Variants in CHRM3 observed in about 807,000 individuals in gnomAD.
The protein encoded by CHRM3 is muscarinic acetylcholine receptor M3.
In CHRM3, 11 loss-of-function variants were observed where a neutral mutation model predicts 41.8. The observed-to-expected ratio is 0.26, with a 90% confidence interval of 0.17 to 0.44. The LOEUF (loss-of-function observed/expected upper bound fraction) is 0.44. Among genes scored for constraint, CHRM3 ranks in the 20% least tolerant of loss-of-function variants. CHRM3 has a pLI of 1.00. For missense variants in CHRM3, 571 were observed against 745.4 expected (o/e 0.77, Z 2.72); for synonymous variants, 297 against 301.4 (o/e 0.99, Z 0.15).
intron 6 of CHRM3, among the ~76,000 whole-genome samples, chr1:239,871,128 T>C (rs1191520608): frequency 6.6e-6 from 1 of 152,174 alleles, no homozygotes; most frequent in Non-Finnish European, 1.5e-5. Flanking sequence ...GTTGGGCTCA[T>C]ACTAGAATGT....
At chr1:239,904,852 T>C (rs922642054) in intron 6 of CHRM3, among the ~76,000 whole-genome samples, 1 of 152,198 alleles carries the variant, frequency 6.6e-6, no homozygotes, top group Admixed American at 6.5e-5. Context: ...ATTTCAAATT[T>C]TGTATTATTT....
chr1:239,742,967 G>T (rs559057586), intron 5 of CHRM3, among the ~76,000 whole-genome samples: 1 of 152,078 alleles, frequency 6.6e-6, no homozygotes. Flanking sequence ...CAGCTACCAG[G>T]TTTATAATTT....
chr1:239,720,884 C>A (rs1408477104), intron 5 of CHRM3, among the ~76,000 whole-genome samples: 1 of 151,814 alleles, frequency 6.6e-6, no homozygotes, highest in African/African-American at 2.4e-5. Context: ...GGAGTTTGAA[C>A]AACTCAGGCA....
chr1:239,454,698 T>C (rs1403367919), intron 1 of CHRM3, among the ~76,000 whole-genome samples: 1 of 152,124 alleles, frequency 6.6e-6, no homozygotes, highest in African/African-American at 2.4e-5. Flanking sequence ...AAAGACACAG[T>C]GCTTTGGAGA....
intron 5 of CHRM3, among the ~76,000 whole-genome samples, chr1:239,782,097 A>C (rs994697622): frequency 9.2e-5 from 14 of 152,064 alleles, no homozygotes; most frequent in African/African-American, 2.9e-4. Flanking sequence ...GTATTTGTCT[A>C]GTTTTGGTAT....
chr1:239,612,788 C>T (rs1285953102), intron 3 of CHRM3, among the ~76,000 whole-genome samples: 3 of 152,140 alleles, frequency 2.0e-5, no homozygotes, highest in Non-Finnish European at 4.4e-5. Context: ...CAAACAGCTG[C>T]GTAGAACTGC....
At chr1:239,861,873 A>C (rs185247958) in intron 6 of CHRM3, among the ~76,000 whole-genome samples, 9 of 152,312 alleles carry the variant, frequency 5.9e-5, no homozygotes, top group Admixed American at 5.2e-4. Flanking sequence ...AATACCATTT[A>C]ATAGAAAGAA....
intron 5 of CHRM3, among the ~76,000 whole-genome samples, chr1:239,798,071 A>G (rs1398911240): frequency 1.3e-5 from 2 of 152,126 alleles, no homozygotes; most frequent in Non-Finnish European, 2.9e-5. Flanking sequence ...TGTCAAAACC[A>G]AATTCCACAT....
At chr1:239,783,575 A>G (rs74149203) in intron 5 of CHRM3, among the ~76,000 whole-genome samples, 5,014 of 152,324 alleles carry the variant, frequency 0.033, 286 homozygotes, top group African/African-American at 0.11. Context: ...TAAATAGTCA[A>G]ACAATCAAAT....
At chr1:239,560,504 T>G (rs1660751985) in intron 3 of CHRM3, among the ~76,000 whole-genome samples, 1 of 152,178 alleles carries the variant, frequency 6.6e-6, no homozygotes, top group Non-Finnish European at 1.5e-5. Context: ...TCCTCATACC[T>G]CTTCATAGTA....
intron 1 of CHRM3, among the ~76,000 whole-genome samples, chr1:239,410,297 A>G (rs1276501776): frequency 2.6e-5 from 4 of 151,994 alleles, no homozygotes; most frequent in Non-Finnish European, 5.9e-5. Context: ...TCTCATTATT[A>G]CCCCACTAAG....
chr1:239,551,144 CTTTTTTTTTTTT>C (rs1157407521), intron 3 of CHRM3, among the ~76,000 whole-genome samples: 2 of 60,350 alleles, frequency 3.3e-5, no homozygotes, highest in African/African-American at 6.5e-5. Flanking sequence ...TGTTACCATT[CTTTTTTTTTTTT>C]TTTTTTTTTT....
chr1:239,510,471 G>T (rs1668845996), intron 2 of CHRM3, among the ~76,000 whole-genome samples: 2 of 152,244 alleles, frequency 1.3e-5, no homozygotes, highest in East Asian at 1.9e-4. Context: ...TAGCAGATGG[G>T]GAGAACCTCT....
intron 2 of CHRM3, among the ~76,000 whole-genome samples, chr1:239,534,294 T>A (rs1258562262): frequency 2.0e-5 from 3 of 152,104 alleles, no homozygotes; most frequent in Non-Finnish European, 2.9e-5. Flanking sequence ...CCACTGCACT[T>A]CAGCCTGGGT....
In CHRM3 at chr1:239,457,860, T is replaced by G. The variant is rs955508532; in HGVS notation, c.-520-34849T>G. ...GGAGATTATAAACTAATTTAAAGGA[T>G]GGACTCAAATATGGTTTATGATGTG... On this transcript the variant is annotated intron_variant, in intron 1 of 6. Transcript: ENST00000676153. Among the ~76,000 whole-genome samples, 4 of 152,218 alleles carry G rather than the reference T, an allele frequency of 2.6e-5. No homozygotes were observed. In the East Asian group the frequency reaches 7.7e-4, roughly 29 times the overall value.
chr1:239,493,759 C>T (rs1558264969), intron 2 of CHRM3, among the ~76,000 whole-genome samples: 1 of 152,146 alleles, frequency 6.6e-6, no homozygotes, highest in Non-Finnish European at 1.5e-5. Flanking sequence ...CAAAGCACTG[C>T]TTTTTATTAA....
rs1664210848 is a variant in CHRM3 at position 239,734,211 on chromosome 1, A to G, written c.-147+55923A>G. The stretch of plus-strand genomic sequence containing the variant: ...TTAAGGGAAATAATTCTTCTTGGAG[A>G]GATGACAGACTCCAGGTCTGGGGCA... On this transcript the variant is annotated intron_variant, in intron 5 of 6. Transcript: ENST00000676153. Among the ~76,000 whole-genome samples the G allele has an allele frequency of 2.0e-5, 3 of 152,116 alleles. No individual in the cohort carries two copies. The South Asian group carries it at 6.2e-4, about 32-fold the overall frequency.
chr1:239,508,808 TACTC>T (rs1363464100), intron 2 of CHRM3, among the ~76,000 whole-genome samples: 7 of 152,260 alleles, frequency 4.6e-5, no homozygotes, highest in Non-Finnish European at 7.3e-5. Context: ...TGGGATATGT[TACTC>T]AGTCTTTCAA....
At chr1:239,565,757 A>G (rs1661297405) in intron 3 of CHRM3, among the ~76,000 whole-genome samples, 2 of 152,096 alleles carry the variant, frequency 1.3e-5, no homozygotes, top group Admixed American at 1.3e-4. Context: ...GCAATTTGTT[A>G]ACATGGTGAA....
Sources: allele counts gnomAD v4.1 joint callset (sites outside exome capture counted in the v4.1 genomes callset), GRCh38; gene constraint gnomAD v4.1.1; transcripts MANE v1.5; gene names NCBI Gene and HGNC (gene_info 2026-07-23, HGNC 2026-07-21).